Variants in AFG2A observed in about 807,000 individuals in gnomAD.
The protein encoded by AFG2A is AAA ATPase AFG2A.
At chr4:122,964,478 T>G in the AFG2A span, among the ~76,000 whole-genome samples, 1 of 144,524 alleles carries the variant, frequency 6.9e-6, no homozygotes, top group Non-Finnish European at 1.5e-5. Flanking sequence ...CACTTCAGCC[T>G]GGGCAACAGA....
At chr4:123,218,656 C>CATAT in the AFG2A span, among the ~76,000 whole-genome samples, 2 of 148,480 alleles carry the variant, frequency 1.3e-5, no homozygotes, top group African/African-American at 5.2e-5. Flanking sequence ...TACATACATA[C>CATAT]ATACATACAT....
chr4:123,293,047 A>G, the AFG2A span, among the ~76,000 whole-genome samples: 1 of 151,936 alleles, frequency 6.6e-6, no homozygotes, highest in African/African-American at 2.4e-5. Flanking sequence ...TCCCTGTCAC[A>G]CTCATGTCGC....
At chr4:122,948,249 A>T in the AFG2A span, among the ~76,000 whole-genome samples, 1 of 151,970 alleles carries the variant, frequency 6.6e-6, no homozygotes, top group Non-Finnish European at 1.5e-5. Flanking sequence ...ATACGGGAGG[A>T]TGTGTGTAGT....
At chr4:123,058,997 C>T in the AFG2A span, among the ~76,000 whole-genome samples, 5 of 152,098 alleles carry the variant, frequency 3.3e-5, no homozygotes, top group Admixed American at 6.6e-5. Context: ...TTTGTTACTT[C>T]CTAGGTACTA....
the AFG2A span, among the ~76,000 whole-genome samples, chr4:123,133,137 G>A: frequency 0.037 from 5,570 of 152,208 alleles, 339 homozygotes; most frequent in African/African-American, 0.13. Context: ...GAGGTTCTCC[G>A]AAGATAATGG....
chr4:123,177,043 C>T, the AFG2A span, among the ~76,000 whole-genome samples: 47 of 152,148 alleles, frequency 3.1e-4, no homozygotes, highest in South Asian at 6.8e-3. Context: ...CAAAAGCTTT[C>T]GAAGTACAAA....
chr4:123,160,960 C>G, the AFG2A span, among the ~76,000 whole-genome samples: 2 of 152,144 alleles, frequency 1.3e-5, no homozygotes, highest in Non-Finnish European at 2.9e-5. Flanking sequence ...TGTTCTCTGT[C>G]TCTCTCAAAA....
chr4:122,932,505 A>G, the AFG2A span, among the ~76,000 whole-genome samples: 15 of 151,992 alleles, frequency 9.9e-5, no homozygotes, highest in African/African-American at 3.6e-4. Context: ...AATCACTTAC[A>G]CTTCCCCTTG....
chr4:123,293,452 T>A, the AFG2A span, among the ~76,000 whole-genome samples: 3 of 152,122 alleles, frequency 2.0e-5, no homozygotes, highest in Admixed American at 2.0e-4. Flanking sequence ...TCCCTTCCCC[T>A]AGGAGTGACA....
At chr4:123,239,127 A>G in the AFG2A span, among the ~76,000 whole-genome samples, 27 of 152,218 alleles carry the variant, frequency 1.8e-4, no homozygotes, top group African/African-American at 6.5e-4. Context: ...CGAGAAGAGA[A>G]GTTTAGAGAA....
chr4:123,297,440 G>A, the AFG2A span, among the ~76,000 whole-genome samples: 3 of 152,180 alleles, frequency 2.0e-5, no homozygotes, highest in East Asian at 1.9e-4. Flanking sequence ...GGCAACTAGA[G>A]GCCGGGTGTG....
At chr4:123,074,534 T>C in the AFG2A span, among the ~76,000 whole-genome samples, 1 of 151,910 alleles carries the variant, frequency 6.6e-6, no homozygotes, top group Non-Finnish European at 1.5e-5. Context: ...CTGTTTTCAC[T>C]AATCTCCCAT....
chr4:123,122,122 C>G, the AFG2A span, among the ~76,000 whole-genome samples: 5 of 152,056 alleles, frequency 3.3e-5, no homozygotes, highest in Non-Finnish European at 7.4e-5. Flanking sequence ...TATGTAAATT[C>G]AAAACTTACC....
the AFG2A span, among the ~76,000 whole-genome samples, chr4:123,002,346 T>G: frequency 0.012 from 1,812 of 152,244 alleles, 42 homozygotes; most frequent in African/African-American, 0.041. Context: ...ATCCTGTCAT[T>G]ATGATGTTAG....
chr4:123,205,755 A>G, the AFG2A span, among the ~76,000 whole-genome samples: 1 of 152,174 alleles, frequency 6.6e-6, no homozygotes. Context: ...CTTGTATAAG[A>G]TGATACTCAT....
chr4:123,035,610 T>G, the AFG2A span, among the ~76,000 whole-genome samples: 1 of 152,154 alleles, frequency 6.6e-6, no homozygotes, highest in South Asian at 2.1e-4. Context: ...CAGATTTACT[T>G]ACATTTGTCA....
At chr4:122,923,685 G>T in the AFG2A span, among the ~76,000 whole-genome samples, 1 of 152,178 alleles carries the variant, frequency 6.6e-6, no homozygotes, top group African/African-American at 2.4e-5. Context: ...TAAAAATGTG[G>T]ATCACTCTGC....
At chr4:123,170,939 G>A in the AFG2A span, among the ~76,000 whole-genome samples, 1 of 152,122 alleles carries the variant, frequency 6.6e-6, no homozygotes, top group African/African-American at 2.4e-5. Context: ...ATTTAACAGG[G>A]TGGTTGGTAG....
At chr4:122,945,415 A>C in the AFG2A span, among the ~76,000 whole-genome samples, 281 of 152,330 alleles carry the variant, frequency 1.8e-3, no homozygotes, top group African/African-American at 6.4e-3. Flanking sequence ...GCTAGCAATC[A>C]GCGAGACTCC....
Sources: gnomAD v4.1 joint callset for allele counts (sites outside exome capture counted in the v4.1 genomes callset) on GRCh38, gnomAD v4.1.1 for gene constraint, MANE v1.5 for transcripts, NCBI Gene and HGNC (gene_info 2026-07-23, HGNC 2026-07-21) for gene names.